Variants in UNC13C observed in about 807,000 individuals in gnomAD.
UNC13C encodes protein unc-13 homolog C.
UNC13C carries 174 observed loss-of-function variants against 245.4 expected under a neutral mutation model. The observed-to-expected ratio is 0.71, with a 90% CI of 0.63 to 0.80. UNC13C has a LOEUF of 0.80. Among genes scored for constraint, UNC13C ranks in the 30% least tolerant of loss-of-function variants. UNC13C has a pLI of 0.00. For synonymous variants in UNC13C, 992 were observed against 895.1 expected (o/e 1.11, Z -1.93); for missense variants, 2,829 against 2,602.9 (o/e 1.09, Z -1.89).
the UNC13C span, among the ~76,000 whole-genome samples, chr15:53,858,230 T>C: frequency 6.6e-6 from 1 of 152,144 alleles, no homozygotes; most frequent in African/African-American, 2.4e-5. Flanking sequence ...ATATTGAAAA[T>C]TGAAGACAAT....
intron 24 of UNC13C, 116 bp from the exon 25 acceptor site, chr15:54,525,433 G>T (rs187817020): frequency 2.8e-5 from 15 of 537,942 alleles, no homozygotes; most frequent in Admixed American, 2.4e-4. Flanking sequence ...AAAAAGAAGA[G>T]AAAAAAGCTT....
chr15:54,245,701 T>A (rs1337828609), intron 7 of UNC13C, among the ~76,000 whole-genome samples: 1 of 152,192 alleles, frequency 6.6e-6, no homozygotes, highest in East Asian at 1.9e-4. Context: ...AAAATTCTGA[T>A]GTTTTTGTCC....
chr15:54,156,700 C>T (rs753659624), intron 4 of UNC13C, among the ~76,000 whole-genome samples: 5 of 151,408 alleles, frequency 3.3e-5, no homozygotes, highest in Non-Finnish European at 7.4e-5. Context: ...AATCTCTTTG[C>T]AATGTGTATG....
chr15:53,924,899 T>C, the UNC13C span, among the ~76,000 whole-genome samples: 10 of 151,974 alleles, frequency 6.6e-5, no homozygotes, highest in East Asian at 2.0e-3. Context: ...TGGAATGTTG[T>C]TTATAAACTA....
chr15:54,013,133 C>A lies in UNC13C; in HGVS notation c.230C>A (p.Thr77Asn). 2 of 1,613,916 alleles carry A rather than the reference C, an allele frequency of 1.2e-6. No individual in the cohort carries two copies. The highest frequency in any genetic ancestry group is 4.5e-5 in the East Asian group (2 of 44,882). Residue 77 changes from threonine to asparagine, a missense_variant, in exon 2 of 33, where the codon ACT becomes AAT. Coordinates refer to ENST00000260323, the MANE Select transcript of UNC13C (RefSeq NM_001080534.3). ...TGTTCATCCACTCACAACTTATCCA[C>A]TGAGGAAGACGAGGCCAGTAAAGAG... Reference protein sequence around the residue: ...AKCSSTHNLSTEEDEASKEFS... With the variant: ...AKCSSTHNLSNEEDEASKEFS...
At chr15:53,867,533 C>G in the UNC13C span, among the ~76,000 whole-genome samples, 1 of 152,186 alleles carries the variant, frequency 6.6e-6, no homozygotes, top group Non-Finnish European at 1.5e-5. Flanking sequence ...GAGGTATCCA[C>G]TGAAAATCAA....
At chr15:54,227,986 G>C (rs1486493657) in intron 4 of UNC13C, among the ~76,000 whole-genome samples, 2 of 152,202 alleles carry the variant, frequency 1.3e-5, no homozygotes, top group Non-Finnish European at 2.9e-5. Context: ...CCATCCAGGA[G>C]CTGGAGTCTG....
chr15:54,302,656 G>A (rs1035773128), intron 13 of UNC13C, among the ~76,000 whole-genome samples: 2 of 152,144 alleles, frequency 1.3e-5, no homozygotes, highest in African/African-American at 2.4e-5. Flanking sequence ...CTCTATATCT[G>A]TGTTGGTACC....
the UNC13C span, among the ~76,000 whole-genome samples, chr15:53,889,223 T>G: frequency 1.3e-5 from 2 of 152,214 alleles, no homozygotes; most frequent in South Asian, 4.1e-4. Context: ...CTCTCTTATT[T>G]CCTTGAGCAG....
intron 2 of UNC13C, chr15:54,050,484 A>C (rs927590830): frequency 1.8e-6 from 1 of 541,170 alleles, no homozygotes; most frequent in Non-Finnish European, 3.7e-6. Flanking sequence ...TCTTTGACCA[A>C]ATTTTTATTT....
intron 2 of UNC13C, among the ~76,000 whole-genome samples, chr15:54,086,091 T>C (rs1029410063): frequency 3.3e-5 from 5 of 152,214 alleles, no homozygotes; most frequent in Non-Finnish European, 5.9e-5. Context: ...CAATCCTCTC[T>C]TTTAGCTTTT....
chr15:54,617,723 T>C (rs991694745), intron 30 of UNC13C, among the ~76,000 whole-genome samples: 11 of 152,096 alleles, frequency 7.2e-5, no homozygotes, highest in Non-Finnish European at 1.6e-4. Flanking sequence ...AAAGCTTAAG[T>C]CATTGTCCAT....
In UNC13C at chr15:54,175,508, A is replaced by ATTTTTTTTTTTTTTTTTTTTTTTT. The variant is rs55925649; in HGVS notation, c.3071+31846_3071+31847insTTTTTTTTTTTTTTTTTTTTTTTT. On this transcript the variant is annotated intron_variant, in intron 4 of 32. Coordinates refer to ENST00000260323, the MANE Select transcript of UNC13C (RefSeq NM_001080534.3). ...AAAACACTGTTGTTGTGGCCCTAGA[A>ATTTTTTTTTTTTTTTTTTTTTTTT]TTTTTTTTTTTTTTTTTTTTTTGAG... is the stretch of plus-strand genomic sequence containing the variant. Among the ~76,000 whole-genome samples the ATTTTTTTTTTTTTTTTTTTTTTTT allele has an allele frequency of 2.3e-4, 24 of 105,980 alleles. 2 individuals carry two copies. In the East Asian group the frequency reaches 3.4e-3, roughly 15 times the overall value. 69.5% of individuals were successfully genotyped at this position (105,980 alleles called of 152,430 possible). A position where few individuals can be genotyped will look rare whatever the true frequency, so the allele number is the denominator to read the frequency against.
chr15:54,317,304 A>G (rs576371126), intron 13 of UNC13C, among the ~76,000 whole-genome samples: 2 of 152,034 alleles, frequency 1.3e-5, no homozygotes, highest in Admixed American at 1.3e-4. Flanking sequence ...ATATAACTCA[A>G]GACTACACTT....
chr15:53,935,026 A>G, the UNC13C span, among the ~76,000 whole-genome samples: 997 of 152,288 alleles, frequency 6.5e-3, 13 homozygotes, highest in African/African-American at 0.022. Flanking sequence ...CATATGAAGG[A>G]GCCAGGATGC....
rs1207044616 is a variant in UNC13C, at chr15:54,013,860, A to C, written c.957A>C (p.Ala319=). The change falls in exon 2 of 33, where the codon GCA becomes GCC. Residue 319 remains alanine, a synonymous_variant. Coordinates refer to ENST00000260323, the MANE Select transcript of UNC13C (RefSeq NM_001080534.3). ...ACTTAGGTCATATGGGTAGCAAGGC[A>C]AGCCTGAGATTTTTAAATGTGACTG... ...IKHLGHMGSK[A]SLRFLNVTEE... is the part of the protein sequence containing the mutation. 6.2e-7 allele frequency: 1 copy of C among 1,613,470 alleles called. No homozygotes were observed. The highest frequency in any genetic ancestry group is 8.5e-7 in the Non-Finnish European group (1 of 1,179,722).
intron 1 of UNC13C, among the ~76,000 whole-genome samples, chr15:54,000,222 C>T (rs1179099614): frequency 2.0e-5 from 3 of 152,042 alleles, no homozygotes; most frequent in African/African-American, 7.2e-5. Context: ...GAGTCAAGAA[C>T]AGCATCGGGT....
intron 18 of UNC13C, among the ~76,000 whole-genome samples, chr15:54,412,208 AAAAAAAAC>A (rs991017336): frequency 1.3e-5 from 2 of 152,034 alleles, no homozygotes; most frequent in Non-Finnish European, 2.9e-5. Context: ...TTCATCTGAA[AAAAAAAAC>A]AAAAAAAGTG....
intron 17 of UNC13C, among the ~76,000 whole-genome samples, chr15:54,377,948 G>T (rs1478529374): frequency 1.3e-5 from 2 of 152,062 alleles, no homozygotes; most frequent in African/African-American, 4.8e-5. Context: ...TATAATCATA[G>T]GAATGCATAT....
Sources: gnomAD v4.1 joint callset for allele counts (sites outside exome capture counted in the v4.1 genomes callset) on GRCh38, gnomAD v4.1.1 for gene constraint, MANE v1.5 for transcripts, NCBI Gene and HGNC (gene_info 2026-07-23, HGNC 2026-07-21) for gene names.